Variants in KPNA3 observed in about 807,000 individuals in gnomAD.
KPNA3 encodes karyopherin subunit alpha 3, also known as importin subunit alpha-4.
KPNA3 carries 13 observed loss-of-function variants against 73.8 expected under a neutral mutation model. That is an observed-to-expected ratio of 0.18 (90% CI 0.11 to 0.28). KPNA3 has a LOEUF of 0.28. Among genes scored for constraint, KPNA3 ranks in the 10% least tolerant of loss-of-function variants. KPNA3 has a pLI of 1.00. For missense variants in KPNA3, 360 were observed against 618.1 expected, an observed-to-expected ratio of 0.58 and a Z score of 4.43; for synonymous variants, 186 against 206.9, an observed-to-expected ratio of 0.90 and a Z score of 0.87.
rs1338735599 is a variant in KPNA3 at position 49,706,305 on chromosome 13, G to C, written c.1100C>G (p.Ala367Gly). 1 of 1,613,922 alleles carries C rather than the reference G, an allele frequency of 6.2e-7. No homozygotes were observed. The highest frequency in any genetic ancestry group is 1.3e-5 in the African/African-American group (1 of 74,916). Reference sequence around the variant, plus strand: ...ATGAATTATCATAGGAATTAATCCAGCATCTATTACAGCTTGAACTTGTTG... The same window carrying C: ...ATGAATTATCATAGGAATTAATCCACCATCTATTACAGCTTGAACTTGTTG... ...NQQQVQAVID[A>G]GLIPMIIHQL... Residue 367 changes from alanine (A) to glycine (G), a missense_variant, in exon 13 of 17, where the codon GCT (alanine) becomes GGT (glycine). Physicochemically the swap from Ala to Gly is moderately conservative, Grantham distance 60. Coordinates refer to ENST00000261667, the MANE Select transcript of KPNA3 (RefSeq NM_002267.4).
At chr13:49,791,258 C>T (rs899105547) in intron 1 of KPNA3, among the ~76,000 whole-genome samples, 1 of 152,180 alleles carries the variant, frequency 6.6e-6, no homozygotes, top group Non-Finnish European at 1.5e-5. Flanking sequence ...CTTAATCACA[C>T]TAGCTTATCA....
intron 2 of KPNA3, among the ~76,000 whole-genome samples, chr13:49,742,123 T>A (rs1954579740): frequency 6.6e-6 from 1 of 152,220 alleles, no homozygotes; most frequent in Non-Finnish European, 1.5e-5. Context: ...TAGCCAGTTT[T>A]TCCAAGACCA....
intron 1 of KPNA3, among the ~76,000 whole-genome samples, chr13:49,755,959 G>A (rs1954707704): frequency 6.6e-6 from 1 of 151,842 alleles, no homozygotes; most frequent in Non-Finnish European, 1.5e-5. Context: ...TGAACACATA[G>A]ACACTGAAAT....
intron 2 of KPNA3, among the ~76,000 whole-genome samples, chr13:49,733,523 A>G (rs1178272326): frequency 6.6e-6 from 1 of 152,178 alleles, no homozygotes; most frequent in East Asian, 1.9e-4. Flanking sequence ...TCCTGGCCTC[A>G]AGTGATCCGC....
At chr13:49,771,119 C>CAAAAAA (rs34079476) in intron 1 of KPNA3, among the ~76,000 whole-genome samples, 2 of 120,768 alleles carry the variant, frequency 1.7e-5, no homozygotes, top group Non-Finnish European at 1.7e-5. Context: ...GTTGATATTT[C>CAAAAAA]AAAAAAAAAA....
intron 1 of KPNA3, among the ~76,000 whole-genome samples, chr13:49,787,386 G>A (rs1403910815): frequency 3.9e-5 from 6 of 152,170 alleles, no homozygotes; most frequent in Non-Finnish European, 7.3e-5. Context: ...TGATATAGTC[G>A]ATATTTCTTC....
At chr13:49,717,431 G>GAA (rs367721289) in intron 10 of KPNA3, among the ~76,000 whole-genome samples, 51 of 62,532 alleles carry the variant, frequency 8.2e-4, no homozygotes, top group South Asian at 2.3e-3. Context: ...CTCCATCTCG[G>GAA]AAAAAAAAGA....
chr13:49,705,724 T>C lies in KPNA3; in HGVS notation c.1269A>G (p.Lys423=), dbSNP rs1954201457. Residue 423 remains lysine, a synonymous_variant, in exon 15 of 17, where the codon AAA becomes AAG. Coordinates refer to ENST00000261667, the MANE Select transcript of KPNA3 (RefSeq NM_002267.4). ...GAACCACCTGAACCACTTGAGAATCTTTCACTGACAGTAAATTACAGAACG... is the reference window on the plus strand; with the variant it reads ...GAACCACCTGAACCACTTGAGAATCCTTCACTGACAGTAAATTACAGAACG... ...IPPFCNLLSV[K]DSQVVQVVLD... 2.5e-6 allele frequency: 4 copies of C among 1,613,952 alleles called. No individual in the cohort carries two copies. The highest frequency in any genetic ancestry group is 3.4e-6 in the Non-Finnish European group (4 of 1,179,924).
intron 1 of KPNA3, among the ~76,000 whole-genome samples, chr13:49,753,317 G>C (rs951307336): frequency 6.6e-6 from 1 of 152,126 alleles, no homozygotes; most frequent in African/African-American, 2.4e-5. Flanking sequence ...AGAGAAAATT[G>C]CATCTGGACA....
intron 6 of KPNA3, among the ~76,000 whole-genome samples, chr13:49,729,045 G>A (rs1954437424): frequency 6.6e-6 from 1 of 152,206 alleles, no homozygotes; most frequent in African/African-American, 2.4e-5. Context: ...GTTCTTTAGG[G>A]ATAGACAATG....
chr13:49,734,859 C>A (rs1472058654), intron 2 of KPNA3, among the ~76,000 whole-genome samples: 1 of 150,920 alleles, frequency 6.6e-6, no homozygotes, highest in Non-Finnish European at 1.5e-5. Context: ...ATGATTATAT[C>A]TTTGATGAAT....
At chr13:49,786,652 T>C (rs1954984854) in intron 1 of KPNA3, among the ~76,000 whole-genome samples, 2 of 152,058 alleles carry the variant, frequency 1.3e-5, no homozygotes, top group South Asian at 4.1e-4. Flanking sequence ...GAACAGCATA[T>C]ACAAAGGCAT....
chr13:49,780,767 C>T (rs1157774920), intron 1 of KPNA3, among the ~76,000 whole-genome samples: 1 of 144,340 alleles, frequency 6.9e-6, no homozygotes, highest in Non-Finnish European at 1.5e-5. Flanking sequence ...ATTGCCCAGG[C>T]TGGAGTGCAG....
At position 49,702,450 on chromosome 13, in the gene KPNA3, T is replaced by C. The variant is rs1954156954; in HGVS notation, c.1403A>G (p.His468Arg). 1 of 1,558,920 alleles carries C rather than the reference T, an allele frequency of 6.4e-7. No homozygotes were observed. Among genetic ancestry groups the C allele is most frequent in the East Asian group, 2.3e-5 (1 of 44,188 alleles). The part of the protein sequence containing the change: ...GLEKIEVLQQ[H>R]ENEDIYKLAF... ...TAATTTATATATGTCTTCATTTTCATGTTGCTGTAAAACTTCAATTTTCTC... is the reference window on the plus strand; with the variant it reads ...TAATTTATATATGTCTTCATTTTCACGTTGCTGTAAAACTTCAATTTTCTC... Residue 468 changes from histidine (H) to arginine (R), a missense_variant, in exon 16 of 17, where the codon CAT becomes CGT. Physicochemically the swap from His to Arg is conservative, Grantham distance 29. This residue lies in a region of KPNA3 where 287 missense variants were observed against 549.1 expected (regional missense o/e 0.52). Coordinates refer to ENST00000261667, the MANE Select transcript of KPNA3 (RefSeq NM_002267.4).
intron 2 of KPNA3, among the ~76,000 whole-genome samples, chr13:49,745,251 T>C (rs1566348329): frequency 6.6e-6 from 1 of 152,194 alleles, no homozygotes; most frequent in Admixed American, 6.5e-5. Context: ...TTTAAAATAA[T>C]TCTTAAATAA....
rs544610711 is a variant in KPNA3 at position 49,731,948 on chromosome 13, C to A, written c.383+423G>T. 5.9e-5 allele frequency among the ~76,000 whole-genome samples: 9 copies of A among 152,300 alleles called. 1 individual carries two copies. The highest frequency in any genetic ancestry group is 2.2e-4 in the African/African-American group (9 of 41,554). On this transcript the variant is annotated intron_variant, in intron 6 of 16. Transcript: ENST00000261667. ...GACAACACAGAGGATCAGTAATCAG[C>A]TGGAAGATTCCCAGGGTAAGAAAGA... is the stretch of plus-strand genomic sequence containing the variant.
chr13:49,726,895 A>G (rs1055909521), intron 6 of KPNA3, among the ~76,000 whole-genome samples: 6 of 152,070 alleles, frequency 3.9e-5, no homozygotes, highest in African/African-American at 9.7e-5. Flanking sequence ...TGAGGATTCA[A>G]TGAGCTGTGA....
chr13:49,792,557 G>A lies in KPNA3; in HGVS notation c.-51C>T. ...TACTCCTGCGGCTGCGGCGGCGGCG[G>A]CGGCGAATCTTGGAGCGGGAGGGGG... On this transcript the variant is annotated 5_prime_UTR_variant, in exon 1 of 17. Coordinates refer to ENST00000261667, the MANE Select transcript of KPNA3 (RefSeq NM_002267.4). 4 of 1,316,974 alleles carry A rather than the reference G, an allele frequency of 3.0e-6. No individual in the cohort carries two copies. Among genetic ancestry groups the A allele is most frequent in the Non-Finnish European group, 3.2e-6 (3 of 941,932 alleles). The allele number at this position is 1,316,974 out of a possible 1,614,324, so 81.6% of individuals were successfully genotyped here. A position where few individuals can be genotyped will look rare whatever the true frequency, so the allele number is the denominator to read the frequency against.
chr13:49,720,521 G>T (rs1954344889), intron 9 of KPNA3, among the ~76,000 whole-genome samples: 1 of 152,086 alleles, frequency 6.6e-6, no homozygotes, highest in South Asian at 2.1e-4. Context: ...CTTTGGGAGG[G>T]TGAGGTGGGT....
Sources: allele counts gnomAD v4.1 joint callset (sites outside exome capture counted in the v4.1 genomes callset), GRCh38; gene constraint gnomAD v4.1.1; regional missense constraint gnomAD v4.1.1; transcripts MANE v1.5; gene names NCBI Gene and HGNC (gene_info 2026-07-23, HGNC 2026-07-21).